ANKRD6: variants seen among roughly 807,000 people sequenced by gnomAD.
ANKRD6 encodes the protein ankyrin repeat domain-containing protein 6.
In ANKRD6, 56 loss-of-function variants were observed where a neutral mutation model predicts 82.3. The observed-to-expected ratio is 0.68, with a 90% CI of 0.55 to 0.85. ANKRD6 has a LOEUF of 0.85. Among genes scored for constraint, ANKRD6 ranks in the 40% least tolerant of loss-of-function variants. ANKRD6 has a pLI of 0.00. For missense variants in ANKRD6, 852 were observed against 907.6 expected (o/e 0.94, Z 0.79); for synonymous variants, 347 against 352.1 (o/e 0.99, Z 0.16).
intron 1 of ANKRD6, among the ~76,000 whole-genome samples, chr6:89,525,293 CA>C (rs537500108): frequency 5.9e-4 from 77 of 130,102 alleles, no homozygotes; most frequent in Admixed American, 1.1e-3. Flanking sequence ...GATCCTATCT[CA>C]AAAAAAAAAA....
At chr6:89,439,518 G>C (rs1341103205) in intron 1 of ANKRD6, among the ~76,000 whole-genome samples, 2 of 152,108 alleles carry the variant, frequency 1.3e-5, no homozygotes, top group Non-Finnish European at 2.9e-5. Context: ...AGACATTAAA[G>C]GATTACAAGA....
chr6:89,547,721 T>C (rs1052471309), intron 1 of ANKRD6, among the ~76,000 whole-genome samples: 1 of 152,154 alleles, frequency 6.6e-6, no homozygotes, highest in Non-Finnish European at 1.5e-5. Flanking sequence ...ATTGTATCCT[T>C]TATTGGATCT....
At chr6:89,596,073 A>G in intron 3 of ANKRD6, 59 bp downstream of exon 3, 1 of 1,432,838 alleles carries the variant, frequency 7.0e-7, no homozygotes, top group Admixed American at 1.9e-5. Context: ...TCTGGCTAGA[A>G]ATCCACAAAG....
At chr6:89,475,215 C>T (rs1196422132) in intron 1 of ANKRD6, among the ~76,000 whole-genome samples, 1 of 152,114 alleles carries the variant, frequency 6.6e-6, no homozygotes, top group African/African-American at 2.4e-5. Context: ...GAAAATACAA[C>T]TTATTTAAGA....
intron 1 of ANKRD6, among the ~76,000 whole-genome samples, chr6:89,563,076 G>A (rs1276751168): frequency 1.3e-5 from 2 of 152,118 alleles, no homozygotes; most frequent in South Asian, 2.1e-4. Flanking sequence ...TTTGCTTGTC[G>A]GGAGACAGAA....
intron 5 of ANKRD6, among the ~76,000 whole-genome samples, chr6:89,610,338 G>A (rs146929904): frequency 9.2e-5 from 14 of 152,242 alleles, no homozygotes; most frequent in Admixed American, 5.2e-4. Context: ...CATGTAAATG[G>A]AATCATACAG....
chr6:89,537,835 A>C (rs1402010907), intron 1 of ANKRD6, among the ~76,000 whole-genome samples: 1 of 149,394 alleles, frequency 6.7e-6, no homozygotes, highest in East Asian at 2.0e-4. Context: ...GGTAGAGGTT[A>C]CAAACGTGAG....
chr6:89,434,150 A>G (rs1770330127), intron 1 of ANKRD6, among the ~76,000 whole-genome samples: 1 of 152,172 alleles, frequency 6.6e-6, no homozygotes, highest in Non-Finnish European at 1.5e-5. Flanking sequence ...TTCTGACTCC[A>G]CCACTTGTTA....
At chr6:89,447,887 A>G (rs1014119629) in intron 1 of ANKRD6, among the ~76,000 whole-genome samples, 8 of 120,720 alleles carry the variant, frequency 6.6e-5, no homozygotes, top group Admixed American at 5.8e-4. Context: ...GGGTTTCTCC[A>G]TGTTGGTCAG....
intron 5 of ANKRD6, among the ~76,000 whole-genome samples, chr6:89,609,218 C>T: frequency 6.6e-6 from 1 of 152,230 alleles, no homozygotes; most frequent in Non-Finnish European, 1.5e-5. Context: ...CCGGTAGTGC[C>T]TGGCTCACAG....
chr6:89,558,536 GT>G (rs1786936920), intron 1 of ANKRD6, among the ~76,000 whole-genome samples: 1 of 152,142 alleles, frequency 6.6e-6, no homozygotes, highest in Non-Finnish European at 1.5e-5. Flanking sequence ...TCTGGAGAGA[GT>G]AAAAAGATCA....
rs541406530 is a variant in ANKRD6, at chr6:89,588,624, C to G, written c.121-7292C>G. Among the ~76,000 whole-genome samples the G allele has an allele frequency of 7.9e-4, 121 of 152,298 alleles. 1 individual carries two copies. Among genetic ancestry groups the G allele is most frequent in the South Asian group, 1.9e-3 (9 of 4,828 alleles). On this transcript the variant is annotated intron_variant, in intron 2 of 15. Coordinates refer to ENST00000339746, the MANE Select transcript of ANKRD6 (RefSeq NM_001242809.2). ...GCCAATGAGTCTCAATTCCTTTATA[C>G]AACCTTTCCCTACTCCCTTCCTTCA... is the stretch of plus-strand genomic sequence containing the variant.
At chr6:89,601,308 T>A (rs2128172033) in intron 3 of ANKRD6, among the ~76,000 whole-genome samples, 1 of 152,264 alleles carries the variant, frequency 6.6e-6, no homozygotes, top group African/African-American at 2.4e-5. Context: ...GGGAGGTCGG[T>A]GGTGGCAGTG....
At chr6:89,456,799 T>C (rs774121465) in intron 1 of ANKRD6, among the ~76,000 whole-genome samples, 1 of 152,206 alleles carries the variant, frequency 6.6e-6, no homozygotes, top group Non-Finnish European at 1.5e-5. Flanking sequence ...CATTGAAGAT[T>C]AGCCTGGATT....
chr6:89,540,989 CTGTT>C (rs1327647784), intron 1 of ANKRD6, among the ~76,000 whole-genome samples: 1 of 152,048 alleles, frequency 6.6e-6, no homozygotes, highest in Non-Finnish European at 1.5e-5. Flanking sequence ...GCCTGTGTGT[CTGTT>C]TGTATGTCAG....
Position 89,612,268 on chromosome 6 carries a change from C to T in ANKRD6, c.418-4C>T. ...TGTCCTCCCTCTCTCTGCCTCTCTC[C>T]AAGGCGGGGAACACAGCTCTGCACC... On this transcript the variant is annotated splice_polypyrimidine_tract_variant and splice_region_variant and intron_variant, in intron 5 of 15. Transcript: ENST00000339746. 6.4e-7 allele frequency: 1 copy of T among 1,555,562 alleles called. No homozygotes were observed. Among genetic ancestry groups the T allele is most frequent in the Non-Finnish European group, 8.7e-7 (1 of 1,148,876 alleles).
intron 15 of ANKRD6, 133 bp from the exon 16 acceptor site, chr6:89,630,300 G>A (rs1338837342): frequency 1.4e-5 from 15 of 1,059,352 alleles, no homozygotes; most frequent in East Asian, 2.6e-5. Context: ...CAGAGGAGAC[G>A]TTACACATGG....
rs557183523 is a variant in ANKRD6 at position 89,547,680 on chromosome 6, G to C, written c.-143-19154G>C. On this transcript the variant is annotated intron_variant, in intron 1 of 15. Transcript: ENST00000339746. Reference sequence around the variant, plus strand: ...CTCTTTTTGACTGAACAGCAAACCAGTTTAACTCCTTACATAATATTTTAT... The same window carrying C: ...CTCTTTTTGACTGAACAGCAAACCACTTTAACTCCTTACATAATATTTTAT... 2.0e-5 allele frequency among the ~76,000 whole-genome samples: 3 copies of C among 152,208 alleles called. No homozygotes were observed. In the South Asian group the frequency reaches 6.2e-4, roughly 32 times the overall value.
intron 1 of ANKRD6, among the ~76,000 whole-genome samples, chr6:89,540,714 C>T (rs555226862): frequency 3.3e-5 from 5 of 152,192 alleles, no homozygotes; most frequent in African/African-American, 1.2e-4. Flanking sequence ...GACCAATGTC[C>T]CAGAGATTTT....
Sources: allele counts gnomAD v4.1 joint callset (sites outside exome capture counted in the v4.1 genomes callset), GRCh38; gene constraint gnomAD v4.1.1; transcripts MANE v1.5; gene names NCBI Gene and HGNC (gene_info 2026-07-23, HGNC 2026-07-21).